Variants in LMTK2 observed in about 807,000 individuals in gnomAD.
The protein encoded by LMTK2 is serine/threonine-protein kinase LMTK2.
Under a neutral mutation model 127.5 loss-of-function variants are expected in LMTK2, and 37 were observed. That is an observed-to-expected ratio of 0.29 (90% confidence interval 0.22 to 0.38). LMTK2 has a LOEUF of 0.38. Ranked by LOEUF, LMTK2 falls within the 10% of genes least tolerant of loss-of-function variation. The pLI is 1.00. For missense variants in LMTK2, 1,694 were observed against 1,920.3 expected, an observed-to-expected ratio of 0.88 and a Z score of 2.20; for synonymous variants, 819 against 810.1, an observed-to-expected ratio of 1.01 and a Z score of -0.19.
rs34461195 is a variant in LMTK2 at position 98,192,248 on chromosome 7, G to A, written c.1783G>A (p.Val595Ile). Residue 595 changes from valine to isoleucine, a missense_variant, in exon 11 of 14, where the codon GTT (valine) becomes ATT (isoleucine). Coordinates refer to ENST00000297293, the MANE Select transcript of LMTK2 (RefSeq NM_014916.4). ...GTCCCAGCTCACGGCGCTCAGGAGC[G>A]TTGAACTTGAGGAGTCCAGTACAGA... ...ELSQLTALRS[V>I]ELEESSTDED... is the part of the protein sequence containing the mutation. The A allele has an allele frequency of 1.7e-4, 264 of 1,524,742 alleles. No homozygotes were observed. In the East Asian group the frequency reaches 3.8e-3, roughly 22 times the overall value. The allele number at this position is 1,524,742 out of a possible 1,614,324, so 94.5% of individuals were successfully genotyped here. A position where few individuals can be genotyped will look rare whatever the true frequency, so the allele number is the denominator to read the frequency against.
At chr7:98,190,640 T>C in intron 9 of LMTK2, 88 bp from the exon 10 acceptor site, 1 of 1,228,756 alleles carries the variant, frequency 8.1e-7, no homozygotes, top group Non-Finnish European at 1.2e-6. Flanking sequence ...CACCTTGTCC[T>C]TAAAATTACT....
rs200582016 is a variant in LMTK2 at position 98,192,112 on chromosome 7, C to T, written c.1647C>T (p.Ser549=). ...VFDAHNLSVG[S]DYYIQLEEKS... ...ATGCCCACAACCTTTCTGTTGGAAG[C>T]GACTATTATATCCAGTTAGAAGAAA... Residue 549 remains serine (S), a synonymous_variant, in exon 11 of 14, where the codon AGC becomes AGT. Transcript: ENST00000297293. 3.5e-5 allele frequency: 54 copies of T among 1,553,022 alleles called. No homozygotes were observed. The highest frequency in any genetic ancestry group is 1.8e-4 in the East Asian group (8 of 44,426).
Position 98,194,296 on chromosome 7 carries a change from C to T in LMTK2, c.3831C>T (p.Leu1277=), listed in dbSNP as rs529128167. 3 of 1,614,202 alleles carry T rather than the reference C, an allele frequency of 1.9e-6. No individual in the cohort carries two copies. In the South Asian group the frequency reaches 3.3e-5, roughly 18 times the overall value. Residue 1277 remains leucine, a synonymous_variant, in exon 11 of 14, where the codon CTC becomes CTT. Transcript: ENST00000297293. The surrounding 1 kb of genome is among the most constrained non-coding windows in gnomAD (Gnocchi z 5.4). ...GKLGVSGMLD[L]SEDGMDADEE... Reference sequence around the variant, plus strand: ...TCGGGGTGTCAGGGATGCTCGACCTCTCAGAGGACGGGATGGATGCAGACG... The same window carrying T: ...TCGGGGTGTCAGGGATGCTCGACCTTTCAGAGGACGGGATGGATGCAGACG...
Position 98,187,230 on chromosome 7 carries a change from G to A in LMTK2, c.998+232G>A, listed in dbSNP as rs193224978. Among the ~76,000 whole-genome samples, 17 of 152,302 alleles carry A rather than the reference G, an allele frequency of 1.1e-4. No homozygotes were observed. In the East Asian group the frequency reaches 2.9e-3, roughly 26 times the overall value. On this transcript the variant is annotated intron_variant, in intron 9 of 13. Coordinates refer to ENST00000297293, the MANE Select transcript of LMTK2 (RefSeq NM_014916.4). ...TACCCATTTTCCTTTAGAAAAGCAG[G>A]AACCAAGTCTGTTTCATATTCTGTG...
At chr7:98,146,974 A>G (rs1796783498) in intron 3 of LMTK2, among the ~76,000 whole-genome samples, 1 of 152,194 alleles carries the variant, frequency 6.6e-6, no homozygotes, top group Non-Finnish European at 1.5e-5. Context: ...TTATCTCAGA[A>G]TGTCTTAATT....
In LMTK2 at chr7:98,137,321, C is replaced by T. The variant is rs368088478; in HGVS notation, c.110C>T (p.Ala37Val). The change falls in exon 2 of 14, where the codon GCG becomes GTG. Residue 37 changes from alanine to valine, a missense_variant. By Grantham distance (64) the Ala-to-Val change is moderately conservative. Coordinates refer to ENST00000297293, the MANE Select transcript of LMTK2 (RefSeq NM_014916.4). Reference sequence around the variant, plus strand: ...TATTTATCTCTCTTTCCAGGGGAGGCGCCACCTGCTGCAGAAGTTTCCTCA... The same window carrying T: ...TATTTATCTCTCTTTCCAGGGGAGGTGCCACCTGCTGCAGAAGTTTCCTCA... The part of the protein sequence containing the change: ...APLPQTGAGE[A>V]PPAAEVSSSF... The T allele has an allele frequency of 1.3e-5, 21 of 1,607,882 alleles. No individual in the cohort carries two copies. In the African/African-American group the frequency reaches 1.5e-4, roughly 11 times the overall value.
At chr7:98,120,468 C>A (rs1238588271) in intron 1 of LMTK2, among the ~76,000 whole-genome samples, 2 of 152,190 alleles carry the variant, frequency 1.3e-5, no homozygotes, top group East Asian at 1.9e-4. Context: ...TTTAAAATAT[C>A]TGTTTTAACC....
At chr7:98,108,617 A>G (rs781758029) in intron 1 of LMTK2, among the ~76,000 whole-genome samples, 11 of 152,228 alleles carry the variant, frequency 7.2e-5, no homozygotes, top group Non-Finnish European at 1.0e-4. Context: ...AGATGTGTAT[A>G]GGCAACCCCG....
chr7:98,110,927 T>G (rs1361180774), intron 1 of LMTK2, among the ~76,000 whole-genome samples: 2 of 152,230 alleles, frequency 1.3e-5, no homozygotes, highest in African/African-American at 2.4e-5. Context: ...TGAAAAAGAT[T>G]TCTAAAGTAA....
intron 7 of LMTK2, among the ~76,000 whole-genome samples, chr7:98,174,114 A>G (rs2116429793): frequency 6.6e-6 from 1 of 151,796 alleles, no homozygotes; most frequent in Non-Finnish European, 1.5e-5. Flanking sequence ...TAAAAAAAAA[A>G]AAAAAAAAGA....
In LMTK2 at chr7:98,164,755, G is replaced by A. The variant is rs983392962; in HGVS notation, c.657+5330G>A. Among the ~76,000 whole-genome samples, 4 of 152,280 alleles carry A rather than the reference G, an allele frequency of 2.6e-5. No individual in the cohort carries two copies. In the South Asian group the frequency reaches 8.3e-4, roughly 32 times the overall value. On this transcript the variant is annotated intron_variant, in intron 6 of 13. Transcript: ENST00000297293. ...GGGAAGGCTCAAGTGGAAGGGGTAA[G>A]GACAGAGAACAAAGCACGCTGGAGA...
intron 11 of LMTK2, among the ~76,000 whole-genome samples, chr7:98,197,698 C>T (rs778743049): frequency 2.6e-5 from 4 of 151,850 alleles, no homozygotes; most frequent in Admixed American, 6.6e-5. Flanking sequence ...AAAAATTGGC[C>T]AGTTGTGGTG....
In LMTK2 at chr7:98,193,601, C is replaced by A. The variant is rs1227194301; in HGVS notation, c.3136C>A (p.Pro1046Thr). 1.2e-6 allele frequency: 2 copies of A among 1,614,098 alleles called. No homozygotes were observed. Among genetic ancestry groups the A allele is most frequent in the South Asian group, 2.2e-5 (2 of 91,080 alleles). The change falls in exon 11 of 14, where the codon CCC becomes ACC. Residue 1046 changes from proline to threonine, a missense_variant. Physicochemically the swap from Pro to Thr is conservative, Grantham distance 38 (BLOSUM62 -1). Transcript: ENST00000297293. The surrounding 1 kb of genome is among the most constrained non-coding windows in gnomAD (Gnocchi z 4.1). ...NLESPEWTLH[P>T]APEGTADSEP... Reference sequence around the variant, plus strand: ...GGAGTCTCCCGAGTGGACCTTGCATCCCGCTCCCGAGGGCACCGCAGACTC... The same window carrying A: ...GGAGTCTCCCGAGTGGACCTTGCATACCGCTCCCGAGGGCACCGCAGACTC...
rs1176896054 is a variant in LMTK2 at position 98,207,058 on chromosome 7, C to CT, written c.*1567dup. 2.6e-5 allele frequency: 4 copies of CT among 152,200 alleles called. No homozygotes were observed. The highest frequency in any genetic ancestry group is 5.9e-5 in the Non-Finnish European group (4 of 68,082). 9.4% of individuals were successfully genotyped at this position (152,200 alleles called of 1,614,324 possible). A position where few individuals can be genotyped will look rare whatever the true frequency, so the allele number is the denominator to read the frequency against. ...TGGTCATGGGCGACCTCACACCTCC[C>CT]TCCCTGAGTTCTGCTCTGACATAAG... On this transcript the variant is annotated 3_prime_UTR_variant, in exon 14 of 14. Transcript: ENST00000297293.
intron 13 of LMTK2, among the ~76,000 whole-genome samples, chr7:98,204,871 C>T (rs747038200): frequency 6.6e-6 from 1 of 152,224 alleles, no homozygotes; most frequent in Admixed American, 6.5e-5. Flanking sequence ...TCAGCAGGCT[C>T]GTAAGAGCAC....
intron 1 of LMTK2, among the ~76,000 whole-genome samples, chr7:98,116,414 G>A (rs1001694709): frequency 1.3e-5 from 2 of 150,178 alleles, no homozygotes; most frequent in Non-Finnish European, 2.9e-5. Context: ...GTGCATGTGC[G>A]TGTGTTTGTG....
Position 98,192,698 on chromosome 7 carries a change from C to T in LMTK2, c.2233C>T (p.Leu745Phe). 1 of 1,611,648 alleles carries T rather than the reference C, an allele frequency of 6.2e-7. No individual in the cohort carries two copies. Among genetic ancestry groups the T allele is most frequent in the Non-Finnish European group, 8.5e-7 (1 of 1,179,222 alleles). ...GTCCAGCAAAGAACACATAAATGAT[C>T]TTCAGACAGAACTTAAGAATGCTGG... The part of the protein sequence containing the change: ...SLSSKEHIND[L>F]QTELKNAGFT... The change falls in exon 11 of 14, where the codon CTT becomes TTT. Residue 745 changes from leucine (L) to phenylalanine (F), a missense_variant. Physicochemically the swap from Leu to Phe is conservative, Grantham distance 22. Transcript: ENST00000297293.
Position 98,134,173 on chromosome 7 carries a change from C to T in LMTK2, c.104-3142C>T, listed in dbSNP as rs148498886. Among the ~76,000 whole-genome samples, 22 of 152,282 alleles carry T rather than the reference C, an allele frequency of 1.4e-4. No individual in the cohort carries two copies. In the East Asian group the frequency reaches 1.5e-3, roughly 11 times the overall value. On this transcript the variant is annotated intron_variant, in intron 1 of 13. Coordinates refer to ENST00000297293, the MANE Select transcript of LMTK2 (RefSeq NM_014916.4). The stretch of plus-strand genomic sequence containing the variant: ...GGCATATCAGTTTCTTCATCTGTGA[C>T]GTGGAGCTGGTCGTATTACCTCAGA...
At chr7:98,197,227 G>C (rs558330445) in intron 11 of LMTK2, among the ~76,000 whole-genome samples, 90 of 152,316 alleles carry the variant, frequency 5.9e-4, no homozygotes, top group Non-Finnish European at 1.2e-3. Context: ...GTCTTGTTTT[G>C]CTTCCCCATG....
Sources: allele counts gnomAD v4.1 joint callset (sites outside exome capture counted in the v4.1 genomes callset), GRCh38; gene constraint gnomAD v4.1.1; non-coding constraint Gnocchi (gnomAD v3.1); transcripts MANE v1.5; gene names NCBI Gene and HGNC (gene_info 2026-07-23, HGNC 2026-07-21).